The following FRMPD4 variants were observed in gnomAD, a reference collection of about 807,000 sequenced individuals.
The protein encoded by FRMPD4 is FERM and PDZ domain-containing protein 4.
Under a neutral mutation model 94.1 loss-of-function variants are expected in FRMPD4, and 22 were observed. The observed-to-expected ratio is 0.23, with a 90% CI of 0.17 to 0.33. The LOEUF is 0.33. Ranked by LOEUF, FRMPD4 falls within the 10% of genes least tolerant of loss-of-function variation. The pLI is 1.00. For missense variants in FRMPD4, 1,111 were observed against 1,339.9 expected, an observed-to-expected ratio of 0.83 and a Z score of 2.67; for synonymous variants, 631 against 548.6, an observed-to-expected ratio of 1.15 and a Z score of -2.10.
At chrX:11,890,859 C>T (rs1378593886) in intron 3 of FRMPD4, among the ~76,000 whole-genome samples, 2 of 111,416 alleles carry the variant, frequency 1.8e-5, no homozygotes, top group Non-Finnish European at 3.8e-5. Context: ...ATGTGGCTGG[C>T]TTGGTGAGCT....
chrX:12,601,844 A>G (rs1227732915), intron 2 of FRMPD4, among the ~76,000 whole-genome samples: 2 of 111,374 alleles, frequency 1.8e-5, no homozygotes, highest in Non-Finnish European at 3.8e-5. Flanking sequence ...CTTGCCGGGC[A>G]TCCCACCAAG....
At chrX:12,675,384 G>A (rs1227596321) in intron 5 of FRMPD4, among the ~76,000 whole-genome samples, 3 of 106,053 alleles carry the variant, frequency 2.8e-5, no homozygotes, top group East Asian at 6.4e-4. Context: ...ATGGTTAGGA[G>A]GGTGGAAAGT....
chrX:12,230,292 A>G (rs1211553945), intron 1 of FRMPD4, among the ~76,000 whole-genome samples: 9 of 111,541 alleles, frequency 8.1e-5, no homozygotes, highest in Non-Finnish European at 1.5e-4. Context: ...TGGCGCTACT[A>G]TTGCCCTCTT....
intron 3 of FRMPD4, among the ~76,000 whole-genome samples, chrX:12,061,841 A>G (rs1249198623): frequency 9.0e-6 from 1 of 111,668 alleles, no homozygotes; most frequent in Non-Finnish European, 1.9e-5. Flanking sequence ...AAGGTCAAAC[A>G]TATATTTATT....
At chrX:12,357,507 A>T (rs1169542239) in intron 1 of FRMPD4, among the ~76,000 whole-genome samples, 1 of 112,058 alleles carries the variant, frequency 8.9e-6, no homozygotes, top group Non-Finnish European at 1.9e-5. Flanking sequence ...ACTTTACCCA[A>T]ATCCATGACA....
intron 1 of FRMPD4, among the ~76,000 whole-genome samples, chrX:12,367,254 T>A (rs1406088747): frequency 9.0e-6 from 1 of 111,710 alleles, no homozygotes; most frequent in Admixed American, 9.5e-5. Flanking sequence ...CTTTTTGCCC[T>A]TTCTAAATAC....
intron 3 of FRMPD4, among the ~76,000 whole-genome samples, chrX:11,899,909 T>C (rs894980366): frequency 8.0e-5 from 9 of 112,214 alleles, no homozygotes; most frequent in African/African-American, 2.9e-4. Flanking sequence ...TCAAAACTTG[T>C]TGATTTTATT....
intron 1 of FRMPD4, among the ~76,000 whole-genome samples, chrX:12,202,623 G>T (rs928251798): frequency 8.9e-6 from 1 of 112,137 alleles, no homozygotes; most frequent in Non-Finnish European, 1.9e-5. Context: ...AAATTAATTT[G>T]TGTTACCCCA....
chrX:12,640,296 CAAAAAAAAAAAAAA>C (rs1157854116), intron 4 of FRMPD4, among the ~76,000 whole-genome samples: 1 of 23,804 alleles, frequency 4.2e-5, no homozygotes, highest in Non-Finnish European at 6.5e-5. Flanking sequence ...GAGGCTGTCT[CAAAAAAAAAAAAAA>C]AAAAAAAAAA....
intron 2 of FRMPD4, among the ~76,000 whole-genome samples, chrX:12,584,913 T>C (rs1013748368): frequency 2.7e-5 from 3 of 111,924 alleles, no homozygotes; most frequent in Admixed American, 9.4e-5. Context: ...GTTTCTCTAT[T>C]TTTATTTTTT....
At chrX:12,265,338 A>C (rs1262432606) in intron 1 of FRMPD4, among the ~76,000 whole-genome samples, 1 of 112,346 alleles carries the variant, frequency 8.9e-6, no homozygotes, top group African/African-American at 3.2e-5. Context: ...ATGGTAAATT[A>C]ATCGACTTCT....
rs777844675 is a variant in FRMPD4, at chrX:12,419,221, C to G, written c.42-79459C>G. On this transcript the variant is annotated intron_variant, in intron 1 of 16. Coordinates refer to ENST00000675598, the MANE Select transcript of FRMPD4 (RefSeq NM_001368397.1). Reference sequence around the variant, plus strand: ...CCACATACTACATCACCTCCTCCCCCTTGTGAGGGTGGAAGATAAGTTGTT... The same window carrying G: ...CCACATACTACATCACCTCCTCCCCGTTGTGAGGGTGGAAGATAAGTTGTT... Among the ~76,000 whole-genome samples, 8 of 111,484 alleles carry G rather than the reference C, an allele frequency of 7.2e-5. No homozygotes were observed. The South Asian group carries it at 1.9e-3, about 27-fold the overall frequency.
chrX:12,556,744 A>C (rs1238193315), intron 2 of FRMPD4, among the ~76,000 whole-genome samples: 1 of 112,297 alleles, frequency 8.9e-6, no homozygotes, highest in African/African-American at 3.2e-5. Context: ...TTAGACCCAA[A>C]GGATGCATGT....
At chrX:12,017,856 G>T (rs1418664107) in intron 3 of FRMPD4, among the ~76,000 whole-genome samples, 2 of 111,526 alleles carry the variant, frequency 1.8e-5, no homozygotes, top group Non-Finnish European at 3.8e-5. Flanking sequence ...TTTAACCCAG[G>T]TTCTAGCTTG....
intron 4 of FRMPD4, among the ~76,000 whole-genome samples, chrX:12,647,564 G>A (rs1261451333): frequency 8.9e-6 from 1 of 111,888 alleles, no homozygotes; most frequent in Non-Finnish European, 1.9e-5. Context: ...AGGTGGAAAT[G>A]AAGAAGCCTC....
chrX:11,885,663 C>T (rs756679722), intron 3 of FRMPD4, among the ~76,000 whole-genome samples: 3 of 111,241 alleles, frequency 2.7e-5, no homozygotes, highest in Admixed American at 9.5e-5. Context: ...CCGTATAGAC[C>T]TGAGGTGTTA....
intron 1 of FRMPD4, among the ~76,000 whole-genome samples, chrX:12,201,871 A>G (rs1438655151): frequency 8.9e-6 from 1 of 111,793 alleles, no homozygotes; most frequent in Non-Finnish European, 1.9e-5. Flanking sequence ...TCTTTCTTCA[A>G]TTTTATGGCT....
chrX:12,678,781 C>T (rs1305493846), intron 5 of FRMPD4, among the ~76,000 whole-genome samples: 1 of 112,206 alleles, frequency 8.9e-6, no homozygotes, highest in Admixed American at 9.4e-5. Flanking sequence ...GCCAAGATTG[C>T]ACCATTGCAC....
intron 1 of FRMPD4, among the ~76,000 whole-genome samples, chrX:12,150,987 T>C (rs1028466521): frequency 7.2e-5 from 8 of 111,825 alleles, no homozygotes; most frequent in African/African-American, 2.6e-4. Flanking sequence ...AAAGGCATTG[T>C]CTTGCTAAAA....
Sources: gnomAD v4.1 joint callset for allele counts (sites outside exome capture counted in the v4.1 genomes callset) on GRCh38, gnomAD v4.1.1 for gene constraint, MANE v1.5 for transcripts, NCBI Gene and HGNC (gene_info 2026-07-23, HGNC 2026-07-21) for gene names.